FGD4: variants seen among roughly 807,000 people sequenced by gnomAD.
FGD4 encodes FYVE, RhoGEF and PH domain containing 4.
A neutral mutation model predicts 102.0 loss-of-function variants in FGD4; 42 were observed. The ratio of observed to expected loss-of-function variants is 0.41; its 90% CI spans 0.32 to 0.53. FGD4 has a LOEUF of 0.53. FGD4 is among the 20% of genes least tolerant of loss of function. The pLI is 0.21. For synonymous variants in FGD4, 380 were observed against 375.7 expected (o/e 1.01, Z -0.13); for missense variants, 902 against 1,078.2 (o/e 0.84, Z 2.29).
In FGD4 at chr12:32,505,357, C is replaced by T. The variant is rs568635658; in HGVS notation, c.167-58780C>T. ...CAGGATGAGGAGCCTGGAAAGCATG[C>T]GTGTGAACGATGTGAACTTACACAA... On this transcript the variant is annotated intron_variant, in intron 1 of 16. Coordinates refer to ENST00000534526, the MANE Select transcript of FGD4 (RefSeq NM_001370298.3). Among the ~76,000 whole-genome samples, 19 of 152,272 alleles carry T rather than the reference C, an allele frequency of 1.2e-4. No homozygotes were observed. The South Asian group carries it at 3.1e-3, about 25-fold the overall frequency.
At chr12:32,400,662 G>A (rs988043780) in intron 1 of FGD4, among the ~76,000 whole-genome samples, 2 of 152,106 alleles carry the variant, frequency 1.3e-5, no homozygotes, top group African/African-American at 4.8e-5. Flanking sequence ...CTCCCCAGGC[G>A]AGTTTGAAAC....
At chr12:32,402,550 G>T (rs1323149875) in intron 1 of FGD4, among the ~76,000 whole-genome samples, 1 of 151,808 alleles carries the variant, frequency 6.6e-6, no homozygotes, top group Non-Finnish European at 1.5e-5. Context: ...TGGGCTCAAA[G>T]CTATCCTTCT....
At chr12:32,516,359 G>C (rs1002635443) in intron 1 of FGD4, among the ~76,000 whole-genome samples, 2 of 151,834 alleles carry the variant, frequency 1.3e-5, no homozygotes, top group Non-Finnish European at 2.9e-5. Context: ...GCCCAGGCTG[G>C]TCTCAAACTC....
intron 14 of FGD4, among the ~76,000 whole-genome samples, chr12:32,630,978 C>G (rs1426331711): frequency 1.3e-5 from 2 of 151,822 alleles, no homozygotes; most frequent in Non-Finnish European, 2.9e-5. Context: ...GGTCTTGACC[C>G]CATCTCAAAA....
intron 4 of FGD4, among the ~76,000 whole-genome samples, chr12:32,591,949 G>A (rs1471172790): frequency 6.6e-6 from 1 of 152,164 alleles, no homozygotes; most frequent in Non-Finnish European, 1.5e-5. Flanking sequence ...TGTAAGAGGA[G>A]TGTAACTTTT....
intron 1 of FGD4, among the ~76,000 whole-genome samples, chr12:32,537,734 C>CA (rs1942419194): frequency 6.6e-6 from 1 of 152,172 alleles, no homozygotes. Context: ...TGCTAATCCT[C>CA]AAAATATGTT....
intron 9 of FGD4, 131 bp from the exon 10 acceptor site, chr12:32,611,006 T>C: frequency 7.8e-7 from 1 of 1,283,370 alleles, no homozygotes; most frequent in Non-Finnish European, 1.1e-6. Flanking sequence ...TAATAAGTGA[T>C]GGAATTTATA....
chr12:32,529,885 A>G (rs948902755), intron 1 of FGD4, among the ~76,000 whole-genome samples: 2 of 151,816 alleles, frequency 1.3e-5, no homozygotes, highest in South Asian at 4.1e-4. Flanking sequence ...GACATTGCCA[A>G]TAGTATGTTA....
chr12:32,632,716 T>TTTA (rs1950564021), intron 14 of FGD4, among the ~76,000 whole-genome samples: 1 of 141,734 alleles, frequency 7.1e-6, no homozygotes, highest in African/African-American at 2.8e-5. Flanking sequence ...TTTATTTATT[T>TTTA]TTTTTTTTTG....
At chr12:32,584,803 G>A (rs1946872062) in intron 4 of FGD4, among the ~76,000 whole-genome samples, 1 of 152,100 alleles carries the variant, frequency 6.6e-6, no homozygotes, top group South Asian at 2.1e-4. Flanking sequence ...AATCTTCCTG[G>A]AAGTGGAAAT....
At chr12:32,628,816 G>T (rs1950332024) in intron 14 of FGD4, among the ~76,000 whole-genome samples, 1 of 152,108 alleles carries the variant, frequency 6.6e-6, no homozygotes, top group Non-Finnish European at 1.5e-5. Flanking sequence ...AATATGTTTG[G>T]GGATGAGGCT....
rs1267412827 is a variant in FGD4 at position 32,457,923 on chromosome 12, AAATAATT to A, written c.166+57975_166+57981del. Among the ~76,000 whole-genome samples the A allele has an allele frequency of 2.6e-5, 4 of 152,230 alleles. No homozygotes were observed. The East Asian group carries it at 5.8e-4, about 22-fold the overall frequency. On this transcript the variant is annotated intron_variant, in intron 1 of 16. Coordinates refer to ENST00000534526, the MANE Select transcript of FGD4 (RefSeq NM_001370298.3). ...GTTCTGCTACTGAAATTAAATAATT[AAATAATT>A]AATAATTAATGACAGGATTGTTTTC...
chr12:32,526,741 C>G (rs192359140), intron 1 of FGD4, among the ~76,000 whole-genome samples: 81 of 152,200 alleles, frequency 5.3e-4, no homozygotes, highest in African/African-American at 1.9e-3. Context: ...TAACACTCAC[C>G]GCGAAGATCT....
At chr12:32,633,713 A>T (rs1950625809) in intron 15 of FGD4, 24 bp downstream of exon 15, 1 of 1,572,102 alleles carries the variant, frequency 6.4e-7, no homozygotes, top group Admixed American at 1.7e-5. Flanking sequence ...AATATTGGAT[A>T]TCTTTTAGAT....
chr12:32,461,870 G>A (rs748007387), intron 1 of FGD4, among the ~76,000 whole-genome samples: 9 of 152,070 alleles, frequency 5.9e-5, no homozygotes, highest in Non-Finnish European at 1.3e-4. Flanking sequence ...GGGATTACGG[G>A]TGCCCGCCAC....
chr12:32,572,853 C>A (rs1382954105), intron 2 of FGD4, among the ~76,000 whole-genome samples: 1 of 152,116 alleles, frequency 6.6e-6, no homozygotes, highest in Non-Finnish European at 1.5e-5. Flanking sequence ...TTTTAGGTCT[C>A]CAGCTGGACC....
intron 1 of FGD4, among the ~76,000 whole-genome samples, chr12:32,488,784 CA>C (rs1366999461): frequency 6.6e-6 from 1 of 151,986 alleles, no homozygotes; most frequent in Admixed American, 6.6e-5. Context: ...ACTAAAAATA[CA>C]AAAATTAGCT....
chr12:32,577,287 T>C (rs2136384450), intron 3 of FGD4, among the ~76,000 whole-genome samples: 1 of 152,326 alleles, frequency 6.6e-6, no homozygotes, highest in Non-Finnish European at 1.5e-5. Context: ...TATGTACAAC[T>C]AAACAGAATG....
At chr12:32,614,453 A>C (rs886141419) in intron 10 of FGD4, among the ~76,000 whole-genome samples, 3 of 152,198 alleles carry the variant, frequency 2.0e-5, no homozygotes, top group Non-Finnish European at 4.4e-5. Flanking sequence ...GCTCAAGGCA[A>C]TATGCCTGCT....
Sources: gnomAD v4.1 joint callset for allele counts (sites outside exome capture counted in the v4.1 genomes callset) on GRCh38, gnomAD v4.1.1 for gene constraint, MANE v1.5 for transcripts, NCBI Gene and HGNC (gene_info 2026-07-23, HGNC 2026-07-21) for gene names.